Variants in USP34 observed in about 807,000 individuals in gnomAD.
The protein encoded by USP34 is ubiquitin specific peptidase 34.
In USP34, 70 loss-of-function variants were observed where a neutral mutation model predicts 460.3. The ratio of observed to expected loss-of-function variants is 0.15; its 90% CI spans 0.13 to 0.19. USP34 has a LOEUF of 0.19. Among genes scored for constraint, USP34 ranks in the 10% least tolerant of loss-of-function variants. The pLI is 1.00. For synonymous variants in USP34, 1,647 were observed against 1,405.3 expected, an observed-to-expected ratio of 1.17 and a Z score of -3.85; for missense variants, 3,985 against 4,236.2, an observed-to-expected ratio of 0.94 and a Z score of 1.65.
chr2:61,257,903 A>C (rs895741013), intron 44 of USP34, among the ~76,000 whole-genome samples: 2 of 152,198 alleles, frequency 1.3e-5, no homozygotes, highest in Admixed American at 6.5e-5. Flanking sequence ...AACAAAAAAA[A>C]CACTCACATC....
chr2:61,449,894 C>T (rs1021780923), intron 1 of USP34, among the ~76,000 whole-genome samples: 7 of 151,996 alleles, frequency 4.6e-5, no homozygotes, highest in Admixed American at 1.3e-4. Flanking sequence ...GGTGAAACCC[C>T]GTCTCTACTA....
chr2:61,388,959 T>G (rs926724433), intron 5 of USP34, among the ~76,000 whole-genome samples: 2 of 152,106 alleles, frequency 1.3e-5, no homozygotes, highest in South Asian at 4.1e-4. Flanking sequence ...TTTTAAAAGA[T>G]AATTCAACAA....
intron 39 of USP34, among the ~76,000 whole-genome samples, chr2:61,279,770 T>G (rs1026817261): frequency 2.0e-5 from 3 of 152,168 alleles, no homozygotes; most frequent in African/African-American, 7.2e-5. Context: ...GGCCTGAAAT[T>G]TACTTGTTTT....
intron 20 of USP34, 92 bp from the exon 21 acceptor site, chr2:61,325,549 A>T: frequency 2.9e-6 from 2 of 678,886 alleles, no homozygotes; most frequent in Non-Finnish European, 2.2e-6. Context: ...TATACCAAAA[A>T]TTGTTTTAAT....
At chr2:61,417,234 C>A (rs1035988745) in intron 2 of USP34, 8 of 1,407,124 alleles carry the variant, frequency 5.7e-6, no homozygotes, top group Non-Finnish European at 7.9e-6. Flanking sequence ...CACGAACATA[C>A]ATCTGAAAGG....
chr2:61,427,270 C>T (rs1462680605), intron 1 of USP34, among the ~76,000 whole-genome samples: 1 of 152,214 alleles, frequency 6.6e-6, no homozygotes, highest in African/African-American at 2.4e-5. Context: ...CCTCGTGATC[C>T]ACCCGCCTTG....
chr2:61,213,198 AGAGATG>A (rs1264543072), intron 68 of USP34, among the ~76,000 whole-genome samples: 1 of 152,048 alleles, frequency 6.6e-6, no homozygotes, highest in Non-Finnish European at 1.5e-5. Context: ...TATTTTTTGT[AGAGATG>A]GAGTTTTGCC....
At chr2:61,449,721 A>G (rs918952593) in intron 1 of USP34, among the ~76,000 whole-genome samples, 1 of 152,214 alleles carries the variant, frequency 6.6e-6, no homozygotes, top group Non-Finnish European at 1.5e-5. Context: ...AACAGAAAGA[A>G]TAGATTTTTC....
chr2:61,226,882 T>G (rs1687744506), intron 62 of USP34, 185 bp downstream of exon 62: 2 of 700,634 alleles, frequency 2.9e-6, no homozygotes, highest in Non-Finnish European at 4.1e-6. Flanking sequence ...CTGAAATTCT[T>G]ATGCCACAAG....
At chr2:61,293,426 A>T (rs770435280) in intron 33 of USP34, 38 bp downstream of exon 33, 1 of 1,505,012 alleles carries the variant, frequency 6.6e-7, no homozygotes, top group Non-Finnish European at 9.1e-7. Flanking sequence ...AAATGGGATA[A>T]CTACTGTAAC....
chr2:61,262,805 G>A lies in USP34; in HGVS notation c.5778+2592C>T, dbSNP rs144291170. Among the ~76,000 whole-genome samples the A allele has an allele frequency of 1.8e-3, 273 of 152,288 alleles. 4 individuals are homozygous for A. The highest frequency in any genetic ancestry group is 9.0e-4 in the Non-Finnish European group (61 of 68,020). On this transcript the variant is annotated intron_variant, in intron 43 of 79. Coordinates refer to ENST00000398571, the MANE Select transcript of USP34 (RefSeq NM_014709.4). ...ACTAATTTACATTTCCATCAGCAGT[G>A]TATATGCATTCCCTTTTCTTTACAA... is the stretch of plus-strand genomic sequence containing the variant.
chr2:61,312,415 T>G (rs750030777), intron 25 of USP34, among the ~76,000 whole-genome samples: 4 of 151,966 alleles, frequency 2.6e-5, no homozygotes, highest in Non-Finnish European at 4.4e-5. Context: ...AGACTTGTAT[T>G]TCAAAGGAAA....
chr2:61,315,882 T>C (rs961493844), intron 23 of USP34, among the ~76,000 whole-genome samples: 1 of 152,096 alleles, frequency 6.6e-6, no homozygotes, highest in Non-Finnish European at 1.5e-5. Flanking sequence ...ACTACTTCAG[T>C]TGTCTGAAAT....
intron 68 of USP34, among the ~76,000 whole-genome samples, chr2:61,212,993 C>T (rs1404611316): frequency 6.6e-6 from 1 of 152,106 alleles, no homozygotes; most frequent in Non-Finnish European, 1.5e-5. Context: ...TTTCTTGGTA[C>T]TTGTACACTC....
intron 35 of USP34, 87 bp from the exon 36 acceptor site, chr2:61,283,536 T>C: frequency 7.1e-7 from 1 of 1,407,854 alleles, no homozygotes; most frequent in Non-Finnish European, 9.7e-7. Flanking sequence ...CCTTTAAGGT[T>C]ATCACTTCCC....
chr2:61,342,899 T>TGGCA (rs1424120978), intron 16 of USP34, among the ~76,000 whole-genome samples: 1 of 152,202 alleles, frequency 6.6e-6, no homozygotes, highest in Non-Finnish European at 1.5e-5. Context: ...TTTACAAATA[T>TGGCA]GGCATCACAT....
At chr2:61,332,927 T>C (rs1691313544) in intron 19 of USP34, among the ~76,000 whole-genome samples, 1 of 152,032 alleles carries the variant, frequency 6.6e-6, no homozygotes, top group Non-Finnish European at 1.5e-5. Context: ...GGAATTATAG[T>C]GCAGACTTCC....
chr2:61,271,800 T>A (rs1689222935), intron 41 of USP34, among the ~76,000 whole-genome samples: 1 of 152,196 alleles, frequency 6.6e-6, no homozygotes. Flanking sequence ...TCATGTTTCT[T>A]TATAGAAAAA....
At chr2:61,353,580 T>G (rs1199071070) in intron 10 of USP34, among the ~76,000 whole-genome samples, 1 of 151,660 alleles carries the variant, frequency 6.6e-6, no homozygotes, top group Admixed American at 6.6e-5. Context: ...TTTTTGTTTT[T>G]TTTGTTTAGT....
Sources: allele counts gnomAD v4.1 joint callset (sites outside exome capture counted in the v4.1 genomes callset), GRCh38; gene constraint gnomAD v4.1.1; transcripts MANE v1.5; gene names NCBI Gene and HGNC (gene_info 2026-07-23, HGNC 2026-07-21).